DPP10: variants seen among roughly 807,000 people sequenced by gnomAD.
DPP10 encodes the protein dipeptidyl peptidase like 10.
In DPP10, 33 loss-of-function variants were observed where a neutral mutation model predicts 120.9. The observed-to-expected ratio is 0.27, with a 90% CI of 0.21 to 0.37. The LOEUF is 0.37. Among genes scored for constraint, DPP10 ranks in the 10% least tolerant of loss-of-function variants. The pLI, the probability that DPP10 is intolerant of heterozygous loss-of-function variation, is 1.00. For synonymous variants in DPP10, 337 were observed against 326.1 expected (o/e 1.03, Z -0.36); for missense variants, 816 against 942.8 (o/e 0.87, Z 1.76).
chr2:115,411,915 A>G (rs1014976527), intron 3 of DPP10, among the ~76,000 whole-genome samples: 1 of 152,110 alleles, frequency 6.6e-6, no homozygotes, highest in Non-Finnish European at 1.5e-5. Context: ...CTGTTCCTTA[A>G]CAGTGTAATT....
intron 1 of DPP10, among the ~76,000 whole-genome samples, chr2:114,505,556 A>C (rs1558823129): frequency 1.3e-5 from 2 of 152,144 alleles, no homozygotes; most frequent in Non-Finnish European, 2.9e-5. Context: ...AACTCAAAAT[A>C]ATCAATATGC....
At chr2:115,505,203 A>T (rs1172993970) in intron 4 of DPP10, among the ~76,000 whole-genome samples, 2 of 152,034 alleles carry the variant, frequency 1.3e-5, no homozygotes, top group Non-Finnish European at 2.9e-5. Context: ...CATCCTTATA[A>T]ACAAAGTTAT....
intron 1 of DPP10, among the ~76,000 whole-genome samples, chr2:115,166,895 T>G (rs893814291): frequency 6.6e-6 from 1 of 152,186 alleles, no homozygotes; most frequent in Non-Finnish European, 1.5e-5. Context: ...TTACTACTTA[T>G]AGGCACATTT....
In DPP10 at chr2:115,015,915, C is replaced by G. The variant is rs894179629; in HGVS notation, c.61-293324C>G. On this transcript the variant is annotated intron_variant, in intron 1 of 25. Coordinates refer to ENST00000410059, the MANE Select transcript of DPP10 (RefSeq NM_020868.6). ...GGAAGGGCCAATATTGTGAACATGG[C>G]CATACTGCCCAAAGTAATTTATAGA... 2.0e-5 allele frequency among the ~76,000 whole-genome samples: 3 copies of G among 152,106 alleles called. No individual in the cohort carries two copies. The South Asian group carries it at 6.2e-4, about 31-fold the overall frequency.
chr2:115,321,515 G>GTTTTTTT (rs35046366), intron 2 of DPP10, among the ~76,000 whole-genome samples: 1 of 121,592 alleles, frequency 8.2e-6, no homozygotes, highest in Non-Finnish European at 1.6e-5. Flanking sequence ...TTTTTTTAGT[G>GTTTTTTT]TTTTTTTTTT....
intron 3 of DPP10, among the ~76,000 whole-genome samples, chr2:115,348,225 A>G (rs537754090): frequency 1.3e-5 from 2 of 152,126 alleles, no homozygotes; most frequent in Non-Finnish European, 2.9e-5. Context: ...TTTCATGTTG[A>G]ATACTACAAT....
At chr2:115,522,845 C>A (rs1404161519) in intron 4 of DPP10, among the ~76,000 whole-genome samples, 1 of 152,128 alleles carries the variant, frequency 6.6e-6, no homozygotes, top group African/African-American at 2.4e-5. Flanking sequence ...CCCCAAACCA[C>A]AATTTGAAGT....
chr2:114,663,662 TATATATAGAG>T lies in DPP10; in HGVS notation c.60+220826_60+220835del, dbSNP rs1242534747. On this transcript the variant is annotated intron_variant, in intron 1 of 25. Transcript: ENST00000410059. ...ACAGATATATATATATATATATATATATATATAGAGAGAGAGAGAGAGAGAGAGAGAGAGA... is the reference window on the plus strand; with the variant it reads ...ACAGATATATATATATATATATATATAGAGAGAGAGAGAGAGAGAGAGAGA... Among the ~76,000 whole-genome samples, 147 of 95,002 alleles carry T rather than the reference TATATATAGAG, an allele frequency of 1.5e-3. 1 individual carries two copies. Among genetic ancestry groups the T allele is most frequent in the South Asian group, 2.2e-3 (7 of 3,212 alleles). The allele number at this position is 95,002 out of a possible 152,430, so 62.3% of individuals were successfully genotyped here.
intron 7 of DPP10, among the ~76,000 whole-genome samples, chr2:115,703,263 G>A (rs573093564): frequency 3.8e-4 from 58 of 151,572 alleles, no homozygotes; most frequent in Non-Finnish European, 6.5e-4. Flanking sequence ...AAGGCTGTAC[G>A]CTTAAATTTA....
At chr2:115,613,939 C>T (rs540891702) in intron 5 of DPP10, among the ~76,000 whole-genome samples, 1 of 152,146 alleles carries the variant, frequency 6.6e-6, no homozygotes, top group Non-Finnish European at 1.5e-5. Context: ...GACTCCCATG[C>T]CTCTCCACAG....
At chr2:115,770,294 T>A (rs1322112516) in intron 13 of DPP10, among the ~76,000 whole-genome samples, 1 of 152,088 alleles carries the variant, frequency 6.6e-6, no homozygotes, top group African/African-American at 2.4e-5. Flanking sequence ...TACCTTCTGT[T>A]TCTCAGTCAA....
chr2:115,545,569 G>T (rs1247333718), intron 5 of DPP10, among the ~76,000 whole-genome samples: 2 of 152,134 alleles, frequency 1.3e-5, no homozygotes, highest in Non-Finnish European at 2.9e-5. Context: ...GTCATAGTGT[G>T]TTTGCACAAC....
At chr2:114,831,747 A>G (rs950519523) in intron 1 of DPP10, among the ~76,000 whole-genome samples, 5 of 152,008 alleles carry the variant, frequency 3.3e-5, no homozygotes, top group African/African-American at 1.2e-4. Context: ...TAACTGAAAT[A>G]CAGTACCACA....
chr2:115,324,735 G>A (rs753302509), intron 2 of DPP10, among the ~76,000 whole-genome samples: 9 of 152,174 alleles, frequency 5.9e-5, no homozygotes, highest in Admixed American at 2.0e-4. Context: ...GTGGCTAACT[G>A]TTGGGAGCAA....
intron 2 of DPP10, among the ~76,000 whole-genome samples, chr2:115,338,469 G>A (rs1195153147): frequency 1.3e-5 from 2 of 151,876 alleles, no homozygotes; most frequent in African/African-American, 2.4e-5. Context: ...TAGTTTTAGG[G>A]ATTAGGCCTC....
At chr2:115,047,398 T>C (rs1454338823) in intron 1 of DPP10, among the ~76,000 whole-genome samples, 4 of 152,146 alleles carry the variant, frequency 2.6e-5, no homozygotes, top group African/African-American at 7.2e-5. Flanking sequence ...CACTATTACA[T>C]TGTGATTGAA....
At chr2:115,331,145 C>T in intron 2 of DPP10, among the ~76,000 whole-genome samples, 1 of 152,032 alleles carries the variant, frequency 6.6e-6, no homozygotes, top group Non-Finnish European at 1.5e-5. Context: ...CCTTCACATC[C>T]CTTGTAAGTT....
At chr2:114,490,891 A>G (rs1681938759) in intron 1 of DPP10, among the ~76,000 whole-genome samples, 1 of 152,148 alleles carries the variant, frequency 6.6e-6, no homozygotes, top group South Asian at 2.1e-4. Context: ...ATTTAGTTGT[A>G]AGATTTTTAT....
chr2:115,031,659 T>C (rs990917713), intron 1 of DPP10, among the ~76,000 whole-genome samples: 4 of 152,198 alleles, frequency 2.6e-5, no homozygotes, highest in African/African-American at 9.7e-5. Flanking sequence ...AATAATTTCA[T>C]GGACAGGTAA....
Sources: allele counts gnomAD v4.1 joint callset (sites outside exome capture counted in the v4.1 genomes callset), GRCh38; gene constraint gnomAD v4.1.1; transcripts MANE v1.5; gene names NCBI Gene and HGNC (gene_info 2026-07-23, HGNC 2026-07-21).